SRGAP1: variants seen among roughly 807,000 people sequenced by gnomAD.
SRGAP1 encodes the protein SLIT-ROBO Rho GTPase activating protein 1.
Under a neutral mutation model 121.9 loss-of-function variants are expected in SRGAP1, and 43 were observed. That is an observed-to-expected ratio of 0.35 (90% CI 0.28 to 0.46). The LOEUF (loss-of-function observed/expected upper bound fraction) is 0.46. SRGAP1 is among the 20% of genes least tolerant of loss of function. The pLI is 1.00. For missense variants in SRGAP1, 1,102 were observed against 1,350.9 expected, an observed-to-expected ratio of 0.82 and a Z score of 2.89; for synonymous variants, 447 against 485.4, an observed-to-expected ratio of 0.92 and a Z score of 1.04.
At chr12:64,019,842 A>G (rs183814024) in intron 4 of SRGAP1, among the ~76,000 whole-genome samples, 20 of 152,320 alleles carry the variant, frequency 1.3e-4, no homozygotes, top group African/African-American at 4.3e-4. Flanking sequence ...AGAATTTTGT[A>G]CAACTGATGA....
intron 1 of SRGAP1, among the ~76,000 whole-genome samples, chr12:63,846,984 C>T (rs1283590254): frequency 1.3e-5 from 2 of 152,194 alleles, no homozygotes; most frequent in Non-Finnish European, 2.9e-5. Context: ...GCATGGGAGA[C>T]AAGACTGGTT....
chr12:64,027,390 A>G (rs575054851), intron 4 of SRGAP1, among the ~76,000 whole-genome samples: 1 of 152,056 alleles, frequency 6.6e-6, no homozygotes, highest in Non-Finnish European at 1.5e-5. Context: ...TTGGAGATCC[A>G]AAGAGAGGGG....
At position 64,128,143 on chromosome 12, in the gene SRGAP1, A is replaced by G; in HGVS notation, c.2823A>G (p.Ser941=). The change falls in exon 21 of 22, where the codon TCA becomes TCG. Residue 941 remains serine (S), a synonymous_variant. Transcript: ENST00000355086. ...CTCCCATTAGAAGGTCCACGTCATC[A>G]GGGCAATACACGGGCTTCAATGACC... ...DSPPIRRSTS[S]GQYTGFNDHK... The G allele has an allele frequency of 6.2e-7, 1 of 1,614,156 alleles. No homozygotes were observed. Among genetic ancestry groups the G allele is most frequent in the Admixed American group, 1.7e-5 (1 of 60,030 alleles).
chr12:63,916,018 TTTTCTTTTCTTTTC>T (rs1426771614), intron 1 of SRGAP1, among the ~76,000 whole-genome samples: 1 of 103,614 alleles, frequency 9.7e-6, no homozygotes, highest in Non-Finnish European at 1.9e-5. Context: ...AAATGGTGTC[TTTTCTTTTCTTTTC>T]TTTTTTTTTT....
chr12:63,924,194 C>T (rs1028986940), intron 1 of SRGAP1, among the ~76,000 whole-genome samples: 3 of 152,108 alleles, frequency 2.0e-5, no homozygotes, highest in African/African-American at 7.2e-5. Flanking sequence ...AGAGTATGAA[C>T]TCTATAAAAC....
rs193069483 is a variant in SRGAP1 at position 64,010,723 on chromosome 12, T to C, written c.427-6227T>C. On this transcript the variant is annotated intron_variant, in intron 3 of 21. Coordinates refer to ENST00000355086, the MANE Select transcript of SRGAP1 (RefSeq NM_020762.4). Reference sequence around the variant, plus strand: ...AAGCCTGCTAGCAACATTTCAAGTGTGTAATAAGGACCATCTCAATAAAAC... The same window carrying C: ...AAGCCTGCTAGCAACATTTCAAGTGCGTAATAAGGACCATCTCAATAAAAC... Among the ~76,000 whole-genome samples the C allele has an allele frequency of 2.0e-5, 3 of 152,120 alleles. No homozygotes were observed. In the East Asian group the frequency reaches 5.8e-4, roughly 29 times the overall value.
In SRGAP1 at chr12:63,982,593, CTCTA is replaced by C. The variant is rs775631282; in HGVS notation, c.68-1349_68-1346del. ...TGTATATATTATCAGTACTGGCCTT[CTCTA>C]TCTAAGAGGAATAGCAAGAAATTTA... is the stretch of plus-strand genomic sequence containing the variant. On this transcript the variant is annotated intron_variant, in intron 1 of 21. Coordinates refer to ENST00000355086, the MANE Select transcript of SRGAP1 (RefSeq NM_020762.4). 6 of 152,178 alleles carry C rather than the reference CTCTA, an allele frequency of 3.9e-5. No individual in the cohort carries two copies. In the South Asian group the frequency reaches 1.0e-3, roughly 26 times the overall value. 9.4% of individuals were successfully genotyped at this position (152,178 alleles called of 1,614,324 possible).
At chr12:64,113,113 G>GA (rs529686928) in intron 17 of SRGAP1, among the ~76,000 whole-genome samples, 8,527 of 136,798 alleles carry the variant, frequency 0.062, 361 homozygotes, top group East Asian at 0.15. Context: ...CTCTAAAGAA[G>GA]AAAAAAAAAA....
rs1009213926 is a variant in SRGAP1 at position 64,126,033 on chromosome 12, G to A, written c.2281G>A (p.Glu761Lys). 1 of 1,614,182 alleles carries A rather than the reference G, an allele frequency of 6.2e-7. No individual in the cohort carries two copies. Among genetic ancestry groups the A allele is most frequent in the Non-Finnish European group, 8.5e-7 (1 of 1,180,020 alleles). ...TGACTATGTTGGGCGGTCTGCCAGA[G>A]AACTATCCTTCAAGAAGGGTGCCTC... ...KFDYVGRSAR[E>K]LSFKKGASLL... is the part of the protein sequence containing the mutation. Residue 761 changes from glutamate (E) to lysine (K), a missense_variant, in exon 19 of 22, where the codon GAA becomes AAA. Physicochemically the swap from Glu to Lys is moderately conservative, Grantham distance 56. Coordinates refer to ENST00000355086, the MANE Select transcript of SRGAP1 (RefSeq NM_020762.4).
intron 6 of SRGAP1, among the ~76,000 whole-genome samples, chr12:64,058,338 TAAC>T (rs1445606414): frequency 1.1e-4 from 16 of 152,200 alleles, no homozygotes; most frequent in Admixed American, 2.0e-4. Flanking sequence ...ATTTTCCACT[TAAC>T]AACAGGTTTA....
chr12:64,092,459 T>A (rs1443677698), intron 12 of SRGAP1, among the ~76,000 whole-genome samples: 1 of 145,954 alleles, frequency 6.9e-6, no homozygotes, highest in Non-Finnish European at 1.5e-5. Flanking sequence ...TATAAGGACA[T>A]ACATACATAT....
intron 1 of SRGAP1, among the ~76,000 whole-genome samples, chr12:63,953,399 ATTTTT>A (rs34352334): frequency 8.7e-6 from 1 of 114,700 alleles, no homozygotes; most frequent in Admixed American, 9.1e-5. Flanking sequence ...TTCTTGATTG[ATTTTT>A]TTTTTTTTTT....
intron 15 of SRGAP1, among the ~76,000 whole-genome samples, chr12:64,104,716 ACTT>A (rs1404849756): frequency 2.0e-5 from 3 of 152,138 alleles, no homozygotes; most frequent in Non-Finnish European, 4.4e-5. Flanking sequence ...ATTTGCTACT[ACTT>A]CAGGAATGCC....
chr12:64,072,106 C>CTGTGTGTGTGTGTGTGTG (rs1212999220), intron 8 of SRGAP1, among the ~76,000 whole-genome samples: 24 of 37,792 alleles, frequency 6.4e-4, no homozygotes, highest in Admixed American at 1.3e-3. Flanking sequence ...CCCAATCTCT[C>CTGTGTGTGTGTGTGTGTG]TCTGTGTGTG....
intron 1 of SRGAP1, among the ~76,000 whole-genome samples, chr12:63,847,200 G>T (rs1898930854): frequency 6.6e-6 from 1 of 151,914 alleles, no homozygotes; most frequent in African/African-American, 2.4e-5. Flanking sequence ...GCTAGGTGTG[G>T]TGGCACACAC....
At chr12:64,101,564 G>A (rs900561418) in intron 15 of SRGAP1, among the ~76,000 whole-genome samples, 1 of 152,066 alleles carries the variant, frequency 6.6e-6, no homozygotes, top group African/African-American at 2.4e-5. Context: ...TAAATTTGAA[G>A]TGGCAAACTT....
At position 64,148,880 on chromosome 12, in the gene SRGAP1, G is replaced by T. The variant is rs2037089931; in HGVS notation, c.*6208G>T. The T allele has an allele frequency of 6.6e-6, 1 of 152,044 alleles. No individual in the cohort carries two copies. The highest frequency in any genetic ancestry group is 1.5e-5 in the Non-Finnish European group (1 of 68,042). 9.4% of individuals were successfully genotyped at this position (152,044 alleles called of 1,614,324 possible). On this transcript the variant is annotated 3_prime_UTR_variant, in exon 22 of 22. Transcript: ENST00000355086. Reference sequence around the variant, plus strand: ...GAAGCTACTGTGCTCATGCCTCTGTGAATGTATCAGTATCCTGACTAATCA... The same window carrying T: ...GAAGCTACTGTGCTCATGCCTCTGTTAATGTATCAGTATCCTGACTAATCA...
chr12:64,022,572 C>A (rs2034573092), intron 4 of SRGAP1, among the ~76,000 whole-genome samples: 1 of 152,160 alleles, frequency 6.6e-6, no homozygotes, highest in South Asian at 2.1e-4. Flanking sequence ...TATCTGGGCA[C>A]CCCACGGCCT....
intron 1 of SRGAP1, among the ~76,000 whole-genome samples, chr12:63,980,387 A>G (rs1371177210): frequency 6.6e-6 from 1 of 152,192 alleles, no homozygotes; most frequent in Non-Finnish European, 1.5e-5. Flanking sequence ...ACACAAATTT[A>G]TGCGACCAAT....
Sources: allele counts gnomAD v4.1 joint callset (sites outside exome capture counted in the v4.1 genomes callset), GRCh38; gene constraint gnomAD v4.1.1; transcripts MANE v1.5; gene names NCBI Gene and HGNC (gene_info 2026-07-23, HGNC 2026-07-21).